The following HDLBP variants were observed in gnomAD, a reference collection of about 807,000 sequenced individuals.
The protein encoded by HDLBP is vigilin.
Under a neutral mutation model 137.3 loss-of-function variants are expected in HDLBP, and 30 were observed. That is an observed-to-expected ratio of 0.22 (90% CI 0.16 to 0.30). HDLBP has a LOEUF of 0.30. HDLBP is among the 10% of genes least tolerant of loss of function. The pLI, the probability that HDLBP is intolerant of heterozygous loss-of-function variation, is 1.00. For missense variants in HDLBP, 1,119 were observed against 1,667.3 expected (o/e 0.67, Z 5.73); for synonymous variants, 606 against 596.0 (o/e 1.02, Z -0.24).
At chr2:241,291,682 T>C (rs944409837) in intron 1 of HDLBP, among the ~76,000 whole-genome samples, 2 of 152,202 alleles carry the variant, frequency 1.3e-5, no homozygotes, top group East Asian at 3.8e-4. Flanking sequence ...TTGTCAGCTG[T>C]AGGCTGAACA....
chr2:241,238,873 C>T lies in HDLBP; in HGVS notation c.2611-86G>A. 9.2e-7 allele frequency: 1 copy of T among 1,089,744 alleles called. No individual in the cohort carries two copies. Among genetic ancestry groups the T allele is most frequent in the Non-Finnish European group, 1.3e-6 (1 of 784,186 alleles). The allele number at this position is 1,089,744 out of a possible 1,614,324, so 67.5% of individuals were successfully genotyped here. Reference sequence around the variant, plus strand: ...TTTACAGCACTCTTCACACCACCTTCCTCCCTGTCCTCTACAGCCACTTGG... The same window carrying T: ...TTTACAGCACTCTTCACACCACCTTTCTCCCTGTCCTCTACAGCCACTTGG... On this transcript the variant is annotated intron_variant, in intron 19 of 27. Coordinates refer to ENST00000310931, the MANE Select transcript of HDLBP (RefSeq NM_005336.6). The surrounding 1 kb of genome is among the most constrained non-coding windows in gnomAD (Gnocchi z 4.9).
intron 4 of HDLBP, 129 bp from the exon 5 acceptor site, chr2:241,263,055 G>A (rs2073329376): frequency 4.3e-6 from 3 of 690,180 alleles, no homozygotes; most frequent in South Asian, 3.8e-5. Context: ...GGCACTGCTC[G>A]AAGCCCTGGG....
chr2:241,290,057 T>C (rs113738681), intron 1 of HDLBP, among the ~76,000 whole-genome samples: 31 of 151,760 alleles, frequency 2.0e-4, no homozygotes, highest in African/African-American at 7.5e-4. Context: ...GCATAAAAGG[T>C]AGAAGGAAAG....
intron 1 of HDLBP, among the ~76,000 whole-genome samples, chr2:241,306,859 G>A (rs374530357): frequency 3.3e-5 from 5 of 150,610 alleles, no homozygotes; most frequent in Middle Eastern, 3.4e-3. Flanking sequence ...TCCAGCCTGG[G>A]TGACAGGGAG....
intron 1 of HDLBP, among the ~76,000 whole-genome samples, chr2:241,271,508 G>A (rs2074033864): frequency 6.6e-6 from 1 of 152,124 alleles, no homozygotes; most frequent in African/African-American, 2.4e-5. Context: ...GTTTCTGACA[G>A]CAACAAAAAA....
At chr2:241,307,609 G>A (rs2075625528) in intron 1 of HDLBP, among the ~76,000 whole-genome samples, 1 of 151,994 alleles carries the variant, frequency 6.6e-6, no homozygotes, top group Admixed American at 6.6e-5. Flanking sequence ...CCCCCATGAG[G>A]CTTTACCAAA....
intron 5 of HDLBP, among the ~76,000 whole-genome samples, chr2:241,258,081 T>C (rs937396528): frequency 6.6e-6 from 1 of 152,046 alleles, no homozygotes; most frequent in Non-Finnish European, 1.5e-5. Flanking sequence ...TGGTGAGACC[T>C]GACTTCTACA....
At position 241,253,062 on chromosome 2, in the gene HDLBP, G is replaced by A. The variant is rs780389338; in HGVS notation, c.1294-27C>T. 1.1e-5 allele frequency: 17 copies of A among 1,548,084 alleles called. No individual in the cohort carries two copies. In the Admixed American group the frequency reaches 1.5e-4, roughly 14 times the overall value. On this transcript the variant is annotated intron_variant, in intron 10 of 27. Transcript: ENST00000310931. ...TGCAGGAGGAGCACAGAGGTCCATG[G>A]ATGCGCCTGGTTACTTGGCCAATGA...
At chr2:241,284,428 T>A (rs1285684885) in intron 1 of HDLBP, among the ~76,000 whole-genome samples, 1 of 152,224 alleles carries the variant, frequency 6.6e-6, no homozygotes, top group Non-Finnish European at 1.5e-5. Flanking sequence ...AATCTCATGA[T>A]AAAACGTGAA....
intron 5 of HDLBP, 34 bp from the exon 6 acceptor site, chr2:241,256,840 T>C (rs550474168): frequency 6.4e-7 from 1 of 1,568,114 alleles, no homozygotes; most frequent in African/African-American, 1.4e-5. Flanking sequence ...AAAACAAGAA[T>C]ATTTGTAGGT....
In HDLBP at chr2:241,272,296, T is replaced by G; in HGVS notation, c.-102-3755A>C. 1 of 979,308 alleles carries G rather than the reference T, an allele frequency of 1.0e-6. No individual in the cohort carries two copies. Among genetic ancestry groups the G allele is most frequent in the Non-Finnish European group, 1.2e-6 (1 of 826,246 alleles). 60.7% of individuals were successfully genotyped at this position (979,308 alleles called of 1,614,324 possible). On this transcript the variant is annotated intron_variant, in intron 1 of 27. Coordinates refer to ENST00000310931, the MANE Select transcript of HDLBP (RefSeq NM_005336.6). This position sits in a 1 kb window ranked among gnomAD's most constrained non-coding sequence, Gnocchi z 5.6. The stretch of plus-strand genomic sequence containing the variant: ...GCTGGCCTCCCAGGGACCCCCACCC[T>G]GGCCGCACACGGCGCCCCCGCCGGA...
At chr2:241,311,455 G>C (rs561510410) in intron 1 of HDLBP, among the ~76,000 whole-genome samples, 1 of 152,316 alleles carries the variant, frequency 6.6e-6, no homozygotes, top group South Asian at 2.1e-4. Context: ...GAAAAGTGAG[G>C]CTCCAACACA....
chr2:241,230,619 A>G lies in HDLBP; in HGVS notation c.3474+140T>C, dbSNP rs149101505. 1.3e-3 allele frequency: 936 copies of G among 739,092 alleles called. 5 individuals carry two copies. The highest frequency in any genetic ancestry group is 0.012 in the East Asian group (427 of 37,044). The allele number at this position is 739,092 out of a possible 1,614,324, so 45.8% of individuals were successfully genotyped here. A position where few individuals can be genotyped will look rare whatever the true frequency, so the allele number is the denominator to read the frequency against. Reference sequence around the variant, plus strand: ...TCGCCTGCACTGACCCGTGGTGTCCATGAGGACAGTTCCACTGCCAGCCCT... The same window carrying G: ...TCGCCTGCACTGACCCGTGGTGTCCGTGAGGACAGTTCCACTGCCAGCCCT... On this transcript the variant is annotated intron_variant, in intron 25 of 27. Transcript: ENST00000310931. The surrounding 1 kb of genome is among the most constrained non-coding windows in gnomAD (Gnocchi z 5.0).
Position 241,230,407 on chromosome 2 carries a change from T to C in HDLBP, c.3475-138A>G. The C allele has an allele frequency of 1.6e-6, 1 of 634,944 alleles. No individual in the cohort carries two copies. Among genetic ancestry groups the C allele is most frequent in the South Asian group, 2.0e-5 (1 of 51,104 alleles). 39.3% of individuals were successfully genotyped at this position (634,944 alleles called of 1,614,324 possible). On this transcript the variant is annotated intron_variant, in intron 25 of 27. Coordinates refer to ENST00000310931, the MANE Select transcript of HDLBP (RefSeq NM_005336.6). This position sits in a 1 kb window ranked among gnomAD's most constrained non-coding sequence, Gnocchi z 5.0. ...GGTTTCAGAGTTGTTCTGAAGTCAG[T>C]CAGCCTCATCACCACACCAAGTTAG...
chr2:241,299,211 C>T (rs1355260109), intron 1 of HDLBP, among the ~76,000 whole-genome samples: 1 of 152,194 alleles, frequency 6.6e-6, no homozygotes, highest in Non-Finnish European at 1.5e-5. Flanking sequence ...TGTACTACTA[C>T]TGTGATTAGA....
chr2:241,238,728 G>A lies in HDLBP; in HGVS notation c.2670C>T (p.Gly890=). 1.3e-6 allele frequency: 2 copies of A among 1,582,162 alleles called. No individual in the cohort carries two copies. The highest frequency in any genetic ancestry group is 1.7e-6 in the Non-Finnish European group (2 of 1,156,446). ...IPQKFHRSVM[G]PKGSRIQQIT... ...TCTGCTGGATTCTGGAACCTTTGGG[G>A]CCCATGACAGATCGATGGAATTTCT... Residue 890 remains glycine (G), a synonymous_variant, in exon 20 of 28, where the codon GGC becomes GGT. Coordinates refer to ENST00000310931, the MANE Select transcript of HDLBP (RefSeq NM_005336.6). The surrounding 1 kb of genome is among the most constrained non-coding windows in gnomAD (Gnocchi z 4.9).
intron 1 of HDLBP, among the ~76,000 whole-genome samples, chr2:241,304,350 T>C (rs1244225422): frequency 6.6e-6 from 1 of 152,222 alleles, no homozygotes; most frequent in Non-Finnish European, 1.5e-5. Context: ...TCCAAGAGGC[T>C]TGTGCATCCA....
chr2:241,301,968 C>T (rs1046295164), intron 1 of HDLBP, among the ~76,000 whole-genome samples: 10 of 151,912 alleles, frequency 6.6e-5, no homozygotes, highest in Non-Finnish European at 1.3e-4. Flanking sequence ...CAGTGGCTCA[C>T]ACCTGTAATC....
At chr2:241,279,074 T>C (rs926840974) in intron 1 of HDLBP, among the ~76,000 whole-genome samples, 1 of 151,744 alleles carries the variant, frequency 6.6e-6, no homozygotes, top group African/African-American at 2.4e-5. Context: ...AGAAAAAAAA[T>C]GTGATTTATA....
Sources: allele counts gnomAD v4.1 joint callset (sites outside exome capture counted in the v4.1 genomes callset), GRCh38; gene constraint gnomAD v4.1.1; non-coding constraint Gnocchi (gnomAD v3.1); transcripts MANE v1.5; gene names NCBI Gene and HGNC (gene_info 2026-07-23, HGNC 2026-07-21).